The following ETV1 variants were observed in gnomAD, a reference collection of about 807,000 sequenced individuals.
ETV1 encodes ETS variant transcription factor 1.
A neutral mutation model predicts 62.3 loss-of-function variants in ETV1; 27 were observed. That is an observed-to-expected ratio of 0.43 (90% CI 0.32 to 0.60). The LOEUF is 0.60. ETV1 is among the 20% of genes least tolerant of loss of function. The pLI is 0.06. For synonymous variants in ETV1, 222 were observed against 199.6 expected (o/e 1.11, Z -0.94); for missense variants, 605 against 605.8 (o/e 1.00, Z 0.01).
chr7:13,936,393 A>T (rs1253690341), intron 7 of ETV1, among the ~76,000 whole-genome samples: 1 of 152,190 alleles, frequency 6.6e-6, no homozygotes, highest in Non-Finnish European at 1.5e-5. Context: ...CAATGCTTTT[A>T]CTTTATTTTC....
At position 13,945,359 on chromosome 7, in the gene ETV1, G is replaced by A. The variant is rs557693460; in HGVS notation, c.236-6113C>T. Among the ~76,000 whole-genome samples, 7 of 151,908 alleles carry A rather than the reference G, an allele frequency of 4.6e-5. No homozygotes were observed. In the South Asian group the frequency reaches 8.3e-4, roughly 18 times the overall value. On this transcript the variant is annotated intron_variant, in intron 6 of 13. Transcript: ENST00000430479. ...CTCAAGGATTCTTACAAGTTCTCCC[G>A]CTCCAGTAGTTTTGAGATCCCCAAC...
At chr7:13,942,093 G>T (rs1446893569) in intron 6 of ETV1, among the ~76,000 whole-genome samples, 8 of 145,484 alleles carry the variant, frequency 5.5e-5, no homozygotes, top group Non-Finnish European at 8.9e-5. Context: ...GCGCGATCTC[G>T]GCTCACTGCA....
chr7:13,930,570 C>G lies in ETV1; in HGVS notation c.802+932G>C, dbSNP rs957988607. On this transcript the variant is annotated intron_variant, in intron 9 of 13. Coordinates refer to ENST00000430479, the MANE Select transcript of ETV1 (RefSeq NM_004956.5). Reference sequence around the variant, plus strand: ...TCTCCTGACCTCGTAATCCGCCCACCTCGGCCTCCCAAAGTGCTGGGATTA... The same window carrying G: ...TCTCCTGACCTCGTAATCCGCCCACGTCGGCCTCCCAAAGTGCTGGGATTA... Among the ~76,000 whole-genome samples, 20 of 152,068 alleles carry G rather than the reference C, an allele frequency of 1.3e-4. No homozygotes were observed. The South Asian group carries it at 1.5e-3, about 11-fold the overall frequency.
In ETV1 at chr7:13,893,951, T is replaced by C. The variant is rs1781556437; in HGVS notation, c.*1915A>G. 4.3e-6 allele frequency: 1 copy of C among 233,132 alleles called. No individual in the cohort carries two copies. The highest frequency in any genetic ancestry group is 6.1e-5 in the East Asian group (1 of 16,456). The allele number at this position is 233,132 out of a possible 1,614,324, so 14.4% of individuals were successfully genotyped here. On this transcript the variant is annotated 3_prime_UTR_variant, in exon 14 of 14. Coordinates refer to ENST00000430479, the MANE Select transcript of ETV1 (RefSeq NM_004956.5). ...CGCAGGTTACATACATATTTTGAAA[T>C]TGGAGTACTTTTTGTAGGATTAAAT...
At position 13,920,209 on chromosome 7, in the gene ETV1, T is replaced by C. The variant is rs143213526; in HGVS notation, c.803-8902A>G. On this transcript the variant is annotated intron_variant, in intron 9 of 13. Transcript: ENST00000430479. ...AACACTGTGGGGCTGAAATGACATA[T>C]TTGAATGGAATTCAGACCCACCAGT... is the stretch of plus-strand genomic sequence containing the variant. Among the ~76,000 whole-genome samples, 22 of 152,266 alleles carry C rather than the reference T, an allele frequency of 1.4e-4. No individual in the cohort carries two copies. In the East Asian group the frequency reaches 3.5e-3, roughly 24 times the overall value.
At chr7:13,978,516 C>T (rs962417027) in intron 5 of ETV1, among the ~76,000 whole-genome samples, 2 of 151,940 alleles carry the variant, frequency 1.3e-5, no homozygotes, top group African/African-American at 2.4e-5. Flanking sequence ...GGTAGTATTA[C>T]TTCATTAGTG....
At chr7:13,970,310 AC>A (rs1780766911) in intron 6 of ETV1, among the ~76,000 whole-genome samples, 1 of 95,922 alleles carries the variant, frequency 1.0e-5, no homozygotes, top group Non-Finnish European at 2.3e-5. Context: ...ACACACACAC[AC>A]ACACACACAC....
intron 6 of ETV1, among the ~76,000 whole-genome samples, chr7:13,974,294 C>G (rs1781188575): frequency 6.6e-6 from 1 of 152,164 alleles, no homozygotes; most frequent in African/African-American, 2.4e-5. Flanking sequence ...GCCCAGATAA[C>G]TGAAAAATTA....
chr7:13,943,044 G>A (rs1284135605), intron 6 of ETV1, among the ~76,000 whole-genome samples: 3 of 152,056 alleles, frequency 2.0e-5, no homozygotes, highest in African/African-American at 7.2e-5. Context: ...AGGAAAGTAA[G>A]TCACAAGCTA....
At position 13,906,417 on chromosome 7, in the gene ETV1, C is replaced by T. The variant is rs1275181822; in HGVS notation, c.1110+13G>A. On this transcript the variant is annotated intron_variant, in intron 12 of 13. Transcript: ENST00000430479. Reference sequence around the variant, plus strand: ...CATGTCTGAGTGTCCTAATTAAAATCTATTAAACTAACCTCTTCAGGCTCA... The same window carrying T: ...CATGTCTGAGTGTCCTAATTAAAATTTATTAAACTAACCTCTTCAGGCTCA... The T allele has an allele frequency of 2.0e-6, 3 of 1,532,806 alleles. No homozygotes were observed. Among genetic ancestry groups the T allele is most frequent in the Admixed American group, 4.3e-5 (2 of 46,996 alleles). 95.0% of individuals were successfully genotyped at this position (1,532,806 alleles called of 1,614,324 possible).
intron 13 of ETV1, among the ~76,000 whole-genome samples, chr7:13,898,316 G>T (rs900188985): frequency 2.0e-5 from 3 of 152,138 alleles, no homozygotes; most frequent in Non-Finnish European, 4.4e-5. Flanking sequence ...GCTTTCAATG[G>T]CTGGATATTC....
intron 13 of ETV1, among the ~76,000 whole-genome samples, chr7:13,896,676 A>G (rs1360969397): frequency 1.0e-4 from 6 of 60,204 alleles, no homozygotes; most frequent in Non-Finnish European, 1.8e-4. Flanking sequence ...GGAAAGAAAT[A>G]AAGAAAGAAA....
intron 7 of ETV1, among the ~76,000 whole-genome samples, chr7:13,938,262 A>T (rs2128458505): frequency 1.3e-5 from 2 of 152,270 alleles, no homozygotes; most frequent in Non-Finnish European, 2.9e-5. Flanking sequence ...CTAGAATCTT[A>T]CATATCTTGG....
intron 12 of ETV1, among the ~76,000 whole-genome samples, chr7:13,901,354 A>G (rs541163568): frequency 6.6e-6 from 1 of 152,194 alleles, no homozygotes. Flanking sequence ...AAACACCACA[A>G]TAGAATTATT....
At chr7:13,909,021 C>T (rs968255387) in intron 11 of ETV1, among the ~76,000 whole-genome samples, 4 of 151,820 alleles carry the variant, frequency 2.6e-5, no homozygotes, top group African/African-American at 9.7e-5. Context: ...CCTTTTCTAA[C>T]ATCTGAGACC....
chr7:13,952,828 A>T (rs1788990538), intron 6 of ETV1, among the ~76,000 whole-genome samples: 2 of 152,180 alleles, frequency 1.3e-5, no homozygotes, highest in African/African-American at 2.4e-5. Flanking sequence ...AAATAAAGAG[A>T]CCAAATACAG....
At chr7:13,974,512 G>A (rs1781216347) in intron 6 of ETV1, among the ~76,000 whole-genome samples, 1 of 152,104 alleles carries the variant, frequency 6.6e-6, no homozygotes, top group Admixed American at 6.5e-5. Flanking sequence ...TTGCAAAGAG[G>A]GAAAATCAAA....
intron 9 of ETV1, among the ~76,000 whole-genome samples, chr7:13,911,663 A>G (rs1365330092): frequency 6.6e-6 from 1 of 152,222 alleles, no homozygotes; most frequent in Admixed American, 6.5e-5. Flanking sequence ...AATTTGTATA[A>G]TCCCATAGCA....
chr7:13,930,611 A>G (rs568092618), intron 9 of ETV1, among the ~76,000 whole-genome samples: 16 of 151,480 alleles, frequency 1.1e-4, no homozygotes, highest in South Asian at 2.1e-4. Context: ...GTGAGCCACC[A>G]GACTGGAAAA....
Sources: gnomAD v4.1 joint callset for allele counts (sites outside exome capture counted in the v4.1 genomes callset) on GRCh38, gnomAD v4.1.1 for gene constraint, MANE v1.5 for transcripts, NCBI Gene and HGNC (gene_info 2026-07-23, HGNC 2026-07-21) for gene names.